The following MON1B variants were observed in gnomAD, a reference collection of about 807,000 sequenced individuals.
The protein encoded by MON1B is vacuolar fusion protein MON1 homolog B.
MON1B carries 26 observed loss-of-function variants against 45.1 expected under a neutral mutation model. The ratio of observed to expected loss-of-function variants is 0.58; its 90% CI spans 0.42 to 0.80. MON1B has a LOEUF of 0.80. Ranked by LOEUF, MON1B falls within the 30% of genes least tolerant of loss-of-function variation. The pLI is 0.00. For missense variants in MON1B, 737 were observed against 754.5 expected, an observed-to-expected ratio of 0.98 and a Z score of 0.27; for synonymous variants, 395 against 320.2, an observed-to-expected ratio of 1.23 and a Z score of -2.49.
rs759113203 is a variant in MON1B at position 77,198,092 on chromosome 16, C to A, written c.1444-16C>A. On this transcript the variant is annotated splice_polypyrimidine_tract_variant and intron_variant, in intron 5 of 5. Transcript: ENST00000248248. ...AGCTCTGGCCCATCTGACTCTGTCT[C>A]CTCCGAAACCCCCAGGTGACCTCCA... 1 of 1,612,954 alleles carries A rather than the reference C, an allele frequency of 6.2e-7. No individual in the cohort carries two copies. The highest frequency in any genetic ancestry group is 1.7e-5 in the Admixed American group (1 of 60,012).
rs1351442691 is a variant in MON1B at position 77,194,504 on chromosome 16, C to T, written c.645C>T (p.Asn215=). The T allele has an allele frequency of 2.5e-6, 4 of 1,613,978 alleles. No individual in the cohort carries two copies. The African/African-American group carries it at 4.0e-5, about 16-fold the overall frequency. ...SVARIFAHKQ[N]YDLRRLLAGS... is the part of the protein sequence containing the mutation. ...CCCGCATCTTCGCACACAAGCAGAA[C>T]TATGACCTCCGCCGCCTGCTGGCTG... The change falls in exon 4 of 6, where the codon AAC becomes AAT. Residue 215 remains asparagine (N), a synonymous_variant. Transcript: ENST00000248248. The surrounding 1 kb of genome is among the most constrained non-coding windows in gnomAD (Gnocchi z 8.1).
At position 77,195,069 on chromosome 16, in the gene MON1B, G is replaced by A; in HGVS notation, c.1210G>A (p.Ala404Thr). The change falls in exon 4 of 6, where the codon GCT becomes ACT. Residue 404 changes from alanine (A) to threonine (T), a missense_variant. Transcript: ENST00000248248. Reference sequence around the variant, plus strand: ...CAGTGCTCCTGCCTACAGCGTGCAGGCTGTCGGGGCGCCGGGCCTCCGGCA... The same window carrying A: ...CAGTGCTCCTGCCTACAGCGTGCAGACTGTCGGGGCGCCGGGCCTCCGGCA... ...SASAPAYSVQ[A>T]VGAPGLRHFL... The A allele has an allele frequency of 6.2e-7, 1 of 1,607,554 alleles. No individual in the cohort carries two copies. Among genetic ancestry groups the A allele is most frequent in the African/African-American group, 1.3e-5 (1 of 75,064 alleles).
chr16:77,193,931 G>A lies in MON1B; in HGVS notation c.475+154G>A, dbSNP rs1221290439. 5 of 767,396 alleles carry A rather than the reference G, an allele frequency of 6.5e-6. No homozygotes were observed. The highest frequency in any genetic ancestry group is 8.2e-6 in the Non-Finnish European group (4 of 488,172). 47.5% of individuals were successfully genotyped at this position (767,396 alleles called of 1,614,324 possible). On this transcript the variant is annotated intron_variant, in intron 3 of 5. Transcript: ENST00000248248. The surrounding 1 kb of genome is among the most constrained non-coding windows in gnomAD (Gnocchi z 5.0). The stretch of plus-strand genomic sequence containing the variant: ...GAGCTCTGTCAGTGGCGGGAGGTGG[G>A]GGGGTTCATCTCTGTCTGGCCTGCT...
rs1157063403 is a variant in MON1B at position 77,200,845 on chromosome 16, CAA to C, written c.*2539_*2540del. The C allele has an allele frequency of 1.3e-5, 2 of 151,188 alleles. No individual in the cohort carries two copies. Among genetic ancestry groups the C allele is most frequent in the Admixed American group, 1.3e-4 (2 of 15,182 alleles). 9.4% of individuals were successfully genotyped at this position (151,188 alleles called of 1,614,324 possible). On this transcript the variant is annotated 3_prime_UTR_variant, in exon 6 of 6. Transcript: ENST00000248248. ...AGCATTTTTTTGTTATAGAAATATT[CAA>C]AGTGTACCAACGTAGAGAAAATAGC...
In MON1B at chr16:77,200,291, T is replaced by TATATATACATATATATATATATAC; in HGVS notation, c.*1984_*1985insTATATACATATATATATATATACA. On this transcript the variant is annotated 3_prime_UTR_variant, in exon 6 of 6. Transcript: ENST00000248248. Reference sequence around the variant, plus strand: ...ATATATGTGTATATATATATATATATACACACACTAATCAGCCGGGCGCGG... The same window carrying TATATATACATATATATATATATAC: ...ATATATGTGTATATATATATATATATATATATACATATATATATATATACACACACACTAATCAGCCGGGCGCGG... The TATATATACATATATATATATATAC allele has an allele frequency of 3.6e-5, 4 of 111,438 alleles. No homozygotes were observed. The highest frequency in any genetic ancestry group is 2.7e-4 in the South Asian group (1 of 3,684). The allele number at this position is 111,438 out of a possible 1,614,324, so 6.9% of individuals were successfully genotyped here.
chr16:77,198,388 T>C lies in MON1B; in HGVS notation c.*80T>C. 1 of 1,455,532 alleles carries C rather than the reference T, an allele frequency of 6.9e-7. No homozygotes were observed. Among genetic ancestry groups the C allele is most frequent in the Non-Finnish European group, 9.6e-7 (1 of 1,044,774 alleles). 90.2% of individuals were successfully genotyped at this position (1,455,532 alleles called of 1,614,324 possible). ...CTTCTGTCTACCCTGGAAATGTGTG[T>C]GGGGGTGTGTCTGTGGCCAGTCATT... On this transcript the variant is annotated 3_prime_UTR_variant, in exon 6 of 6. Transcript: ENST00000248248.
At position 77,193,918 on chromosome 16, in the gene MON1B, T is replaced by C; in HGVS notation, c.475+141T>C. The C allele has an allele frequency of 1.2e-6, 1 of 832,992 alleles. No homozygotes were observed. The allele number at this position is 832,992 out of a possible 1,614,324, so 51.6% of individuals were successfully genotyped here. A position where few individuals can be genotyped will look rare whatever the true frequency, so the allele number is the denominator to read the frequency against. On this transcript the variant is annotated intron_variant, in intron 3 of 5. Coordinates refer to ENST00000248248, the MANE Select transcript of MON1B (RefSeq NM_014940.4). This position sits in a 1 kb window ranked among gnomAD's most constrained non-coding sequence, Gnocchi z 5.0. ...GGATGGTCAGCCAGAGCTCTGTCAG[T>C]GGCGGGAGGTGGGGGGGTTCATCTC...
chr16:77,199,348 A>C lies in MON1B; in HGVS notation c.*1040A>C. ...GACTCCTGATTTAACCGCTGGCGTA[A>C]CCGCGGGTTGCACGCATGCGTGCTG... On this transcript the variant is annotated 3_prime_UTR_variant, in exon 6 of 6. Transcript: ENST00000248248. 1.3e-5 allele frequency: 15 copies of C among 1,130,936 alleles called. No individual in the cohort carries two copies. The highest frequency in any genetic ancestry group is 1.9e-5 in the Non-Finnish European group (15 of 782,206). 70.1% of individuals were successfully genotyped at this position (1,130,936 alleles called of 1,614,324 possible).
Position 77,195,454 on chromosome 16 carries a change from A to T in MON1B, c.1296-81A>T, listed in dbSNP as rs561096821. ...GGCTCAGCTCCCTAACTTCATTGAAATCTCTAGACTGAGGGAGGAAATGGG... is the reference window on the plus strand; with the variant it reads ...GGCTCAGCTCCCTAACTTCATTGAATTCTCTAGACTGAGGGAGGAAATGGG... On this transcript the variant is annotated intron_variant, in intron 4 of 5. Transcript: ENST00000248248. 2.6e-5 allele frequency: 38 copies of T among 1,454,260 alleles called. 1 individual carries two copies. The South Asian group carries it at 4.8e-4, about 18-fold the overall frequency. 90.1% of individuals were successfully genotyped at this position (1,454,260 alleles called of 1,614,324 possible). A position where few individuals can be genotyped will look rare whatever the true frequency, so the allele number is the denominator to read the frequency against.
In MON1B at chr16:77,191,202, A is replaced by T; in HGVS notation, c.-67A>T. ...GGGCCGCACCCGGAAGTGTGATGCC[A>T]CCGCCGCTACGGGGAAGTAATGGTA... On this transcript the variant is annotated 5_prime_UTR_variant, in exon 1 of 6. Coordinates refer to ENST00000248248, the MANE Select transcript of MON1B (RefSeq NM_014940.4). 1 of 1,536,040 alleles carries T rather than the reference A, an allele frequency of 6.5e-7. No homozygotes were observed. The highest frequency in any genetic ancestry group is 8.7e-7 in the Non-Finnish European group (1 of 1,146,834).
At chr16:77,197,927 C>G (rs2142503399) in intron 5 of MON1B, among the ~76,000 whole-genome samples, 181 bp from the exon 6 acceptor site, 1 of 152,120 alleles carries the variant, frequency 6.6e-6, no homozygotes, top group East Asian at 1.9e-4. Context: ...CTAGGTCCAG[C>G]TGAAATTGCA....
rs138226682 is a variant in MON1B at position 77,193,930 on chromosome 16, G to C, written c.475+153G>C. On this transcript the variant is annotated intron_variant, in intron 3 of 5. Coordinates refer to ENST00000248248, the MANE Select transcript of MON1B (RefSeq NM_014940.4). This position sits in a 1 kb window ranked among gnomAD's most constrained non-coding sequence, Gnocchi z 5.0. Reference sequence around the variant, plus strand: ...AGAGCTCTGTCAGTGGCGGGAGGTGGGGGGGTTCATCTCTGTCTGGCCTGC... The same window carrying C: ...AGAGCTCTGTCAGTGGCGGGAGGTGCGGGGGTTCATCTCTGTCTGGCCTGC... The C allele has an allele frequency of 1.5e-3, 1,133 of 775,572 alleles. 16 individuals carry two copies. In the African/African-American group the frequency reaches 0.018, roughly 13 times the overall value. 48.0% of individuals were successfully genotyped at this position (775,572 alleles called of 1,614,324 possible).
At position 77,201,922 on chromosome 16, in the gene MON1B, G is replaced by C. The variant is rs956339757; in HGVS notation, c.*3614G>C. Reference sequence around the variant, plus strand: ...CAGTTGGGATTGAAACAAAAATGGAGGGGGGTATAGCCCTGTGTATGTTGC... The same window carrying C: ...CAGTTGGGATTGAAACAAAAATGGACGGGGGTATAGCCCTGTGTATGTTGC... On this transcript the variant is annotated 3_prime_UTR_variant, in exon 6 of 6. Transcript: ENST00000248248. The C allele has an allele frequency of 1.3e-5, 2 of 152,146 alleles. No individual in the cohort carries two copies. The highest frequency in any genetic ancestry group is 4.8e-5 in the African/African-American group (2 of 41,426). The allele number at this position is 152,146 out of a possible 1,614,324, so 9.4% of individuals were successfully genotyped here.
chr16:77,193,614 G>C lies in MON1B; in HGVS notation c.312G>C (p.Glu104Asp). 1 of 1,614,136 alleles carries C rather than the reference G, an allele frequency of 6.2e-7. No individual in the cohort carries two copies. Among genetic ancestry groups the C allele is most frequent in the Non-Finnish European group, 8.5e-7 (1 of 1,179,982 alleles). The change falls in exon 3 of 6, where the codon GAG (glutamate) becomes GAC (aspartate). Residue 104 changes from glutamate to aspartate, a missense_variant. Physicochemically the swap from Glu to Asp is conservative, Grantham distance 45. Transcript: ENST00000248248. The surrounding 1 kb of genome is among the most constrained non-coding windows in gnomAD (Gnocchi z 5.0). ...GGQGGDPSDE[E>D]WRSQRKHVFV... ...AGGGCGGGGACCCCAGTGATGAGGA[G>C]TGGCGCAGCCAGCGGAAGCATGTGT...
rs2054612482 is a variant in MON1B at position 77,191,317 on chromosome 16, T to TG, written c.-11+61dup. The stretch of plus-strand genomic sequence containing the variant: ...AGAGTCTCCTCTTTTCGGAAAGTGT[T>TG]GGAGGGGGGACGTATTTGGGCATGA... On this transcript the variant is annotated intron_variant, in intron 1 of 5. Coordinates refer to ENST00000248248, the MANE Select transcript of MON1B (RefSeq NM_014940.4). 3.9e-6 allele frequency: 6 copies of TG among 1,524,512 alleles called. No individual in the cohort carries two copies. In the South Asian group the frequency reaches 4.8e-5, roughly 12 times the overall value. The allele number at this position is 1,524,512 out of a possible 1,614,324, so 94.4% of individuals were successfully genotyped here. A position where few individuals can be genotyped will look rare whatever the true frequency, so the allele number is the denominator to read the frequency against.
At chr16:77,195,402 C>T in intron 4 of MON1B, 133 bp from the exon 5 acceptor site, 1 of 1,243,014 alleles carries the variant, frequency 8.0e-7, no homozygotes, top group Non-Finnish European at 1.1e-6. Context: ...CCTCCAACCC[C>T]TGAGAATCCT....
Position 77,194,502 on chromosome 16 carries a change from A to T in MON1B, c.643A>T (p.Asn215Tyr). The T allele has an allele frequency of 4.3e-6, 7 of 1,614,010 alleles. No homozygotes were observed. Among genetic ancestry groups the T allele is most frequent in the Non-Finnish European group, 5.9e-6 (7 of 1,179,994 alleles). The change falls in exon 4 of 6, where the codon AAC becomes TAC. Residue 215 changes from asparagine (N) to tyrosine (Y), a missense_variant. Physicochemically the swap from Asn to Tyr is moderately radical, Grantham distance 143. Transcript: ENST00000248248. This position sits in a 1 kb window ranked among gnomAD's most constrained non-coding sequence, Gnocchi z 8.1. ...CGCCCGCATCTTCGCACACAAGCAG[A>T]ACTATGACCTCCGCCGCCTGCTGGC... ...SVARIFAHKQ[N>Y]YDLRRLLAGS...
In MON1B at chr16:77,195,035, C is replaced by T; in HGVS notation, c.1176C>T (p.Ala392=). The T allele has an allele frequency of 6.2e-7, 1 of 1,612,148 alleles. No individual in the cohort carries two copies. Among genetic ancestry groups the T allele is most frequent in the Non-Finnish European group, 8.5e-7 (1 of 1,179,962 alleles). The change falls in exon 4 of 6, where the codon GCC becomes GCT. Residue 392 remains alanine, a synonymous_variant. Coordinates refer to ENST00000248248, the MANE Select transcript of MON1B (RefSeq NM_014940.4). Reference sequence around the variant, plus strand: ...GGGAGGCTGCCAGCTTCTCTAATGCCTCATCAGCCAGTGCTCCTGCCTACA... The same window carrying T: ...GGGAGGCTGCCAGCTTCTCTAATGCTTCATCAGCCAGTGCTCCTGCCTACA... ...ALGEAASFSN[A]SSASAPAYSV...
chr16:77,191,553 T>A lies in MON1B; in HGVS notation c.68T>A (p.Phe23Tyr). The A allele has an allele frequency of 6.2e-7, 1 of 1,609,018 alleles. No homozygotes were observed. The highest frequency in any genetic ancestry group is 8.5e-7 in the Non-Finnish European group (1 of 1,178,686). Residue 23 changes from phenylalanine (F) to tyrosine (Y), a missense_variant, in exon 2 of 6, where the codon TTC (phenylalanine) becomes TAC (tyrosine). Phe to Tyr is a conservative substitution (Grantham distance 22, BLOSUM62 3). Coordinates refer to ENST00000248248, the MANE Select transcript of MON1B (RefSeq NM_014940.4). ...GGAEDLEDTQ[F>Y]PSEEAREGGG... ...GCGGAGGACTTGGAGGACACGCAGT[T>A]CCCCAGTGAGGAAGCTAGAGAAGGT...
Sources: gnomAD v4.1 joint callset for allele counts (sites outside exome capture counted in the v4.1 genomes callset) on GRCh38, gnomAD v4.1.1 for gene constraint, Gnocchi (gnomAD v3.1) non-coding constraint, MANE v1.5 for transcripts, NCBI Gene and HGNC (gene_info 2026-07-23, HGNC 2026-07-21) for gene names.